USP47: variants seen among roughly 807,000 people sequenced by gnomAD.
The protein encoded by USP47 is ubiquitin specific peptidase 47.
In USP47, 35 loss-of-function variants were observed where a neutral mutation model predicts 165.1. The observed-to-expected ratio is 0.21, with a 90% CI of 0.16 to 0.28. The LOEUF is 0.28. Ranked by LOEUF, USP47 falls within the 10% of genes least tolerant of loss-of-function variation. The probability of loss-of-function intolerance (pLI) is 1.00; values close to 1 mark genes in which losing one functional copy is unlikely to be tolerated. For synonymous variants in USP47, 531 were observed against 544.5 expected, an observed-to-expected ratio of 0.98 and a Z score of 0.35; for missense variants, 1,277 against 1,607.4, an observed-to-expected ratio of 0.79 and a Z score of 3.52.
intron 1 of USP47, among the ~76,000 whole-genome samples, chr11:11,871,393 C>A (rs1032441065): frequency 1.3e-5 from 2 of 150,850 alleles, no homozygotes; most frequent in African/African-American, 2.4e-5. Flanking sequence ...GTCCCAGCTA[C>A]TCGGGAGGCT....
rs779971276 is a variant in USP47 at position 11,940,545 on chromosome 11, C to T, written c.2310C>T (p.Asn770=). The change falls in exon 19 of 28, where the codon AAC becomes AAT. Residue 770 remains asparagine, a synonymous_variant. Coordinates refer to ENST00000527733, the MANE Select transcript of USP47 (RefSeq NM_001282659.2). ...AAGCTGAAGGATTTTTTAGAAGTAA[C>T]AAGGTATGTCATTTACTTTTTCATT... ...TLKAEGFFRS[N]KVFVESSETL... is the part of the protein sequence containing the mutation. 49 of 1,610,120 alleles carry T rather than the reference C, an allele frequency of 3.0e-5. 1 individual carries two copies. The highest frequency in any genetic ancestry group is 1.3e-4 in the South Asian group (12 of 90,706).
chr11:11,942,095 G>A (rs545802520), intron 19 of USP47, among the ~76,000 whole-genome samples: 1 of 152,212 alleles, frequency 6.6e-6, no homozygotes, highest in Non-Finnish European at 1.5e-5. Flanking sequence ...CAAGATGTTT[G>A]TGTGTATGTG....
chr11:11,842,374 G>T, intron 1 of USP47, 150 bp downstream of exon 1: 2 of 899,046 alleles, frequency 2.2e-6, no homozygotes, highest in African/African-American at 1.7e-5. Context: ...GTGGACGGTG[G>T]GTGCGGCGAG....
intron 18 of USP47, 122 bp downstream of exon 18, chr11:11,938,494 T>C (rs1855234981): frequency 1.4e-6 from 1 of 708,916 alleles, no homozygotes; most frequent in African/African-American, 1.8e-5. Context: ...TATTTGTAGT[T>C]AGGAGACAAC....
chr11:11,936,522 T>A lies in USP47; in HGVS notation c.2077+12T>A. On this transcript the variant is annotated intron_variant, in intron 17 of 27. Transcript: ENST00000527733. ...TTATAAACCTGGAGGTGAGCAATTTTACACTATTTTTAGTTGTTCTGTACT... is the reference window on the plus strand; with the variant it reads ...TTATAAACCTGGAGGTGAGCAATTTAACACTATTTTTAGTTGTTCTGTACT... 1 of 1,557,008 alleles carries A rather than the reference T, an allele frequency of 6.4e-7. No individual in the cohort carries two copies. Among genetic ancestry groups the A allele is most frequent in the Non-Finnish European group, 8.7e-7 (1 of 1,146,236 alleles).
intron 8 of USP47, among the ~76,000 whole-genome samples, chr11:11,907,886 A>G (rs1268536958): frequency 6.6e-6 from 1 of 152,140 alleles, no homozygotes; most frequent in African/African-American, 2.4e-5. Context: ...ACTTGAGGAC[A>G]GGAGTTCGAG....
chr11:11,921,775 T>C (rs1365725914), intron 10 of USP47, among the ~76,000 whole-genome samples: 1 of 151,858 alleles, frequency 6.6e-6, no homozygotes, highest in Non-Finnish European at 1.5e-5. Context: ...TCCTAGAGAA[T>C]TCTAGGTTTA....
At chr11:11,908,174 C>A (rs1460330849) in intron 8 of USP47, among the ~76,000 whole-genome samples, 1 of 152,112 alleles carries the variant, frequency 6.6e-6, no homozygotes, top group African/African-American at 2.4e-5. Context: ...GTTATATATT[C>A]TGTTTATTGT....
At chr11:11,891,684 C>T (rs796224661) in intron 3 of USP47, among the ~76,000 whole-genome samples, 11 of 152,226 alleles carry the variant, frequency 7.2e-5, no homozygotes, top group African/African-American at 2.6e-4. Context: ...TTGTGTGTCC[C>T]CTATGTGCTA....
intron 25 of USP47, among the ~76,000 whole-genome samples, chr11:11,953,875 A>G (rs958734951): frequency 2.0e-5 from 3 of 152,220 alleles, no homozygotes; most frequent in Non-Finnish European, 4.4e-5. Flanking sequence ...GTATAAATTG[A>G]TATGATTTTT....
chr11:11,859,323 C>G (rs1372037694), intron 1 of USP47, among the ~76,000 whole-genome samples: 1 of 152,060 alleles, frequency 6.6e-6, no homozygotes, highest in Non-Finnish European at 1.5e-5. Flanking sequence ...TTGGTAGGCT[C>G]TTTGAGAAAG....
chr11:11,948,342 G>T, intron 21 of USP47, 136 bp from the exon 22 acceptor site: 1 of 842,126 alleles, frequency 1.2e-6, no homozygotes, highest in Non-Finnish European at 1.8e-6. Flanking sequence ...AGGTGCTGGG[G>T]ATTCAGAGGT....
chr11:11,939,798 T>G (rs1202192414), intron 18 of USP47, among the ~76,000 whole-genome samples: 1 of 152,008 alleles, frequency 6.6e-6, no homozygotes, highest in Non-Finnish European at 1.5e-5. Flanking sequence ...ACAGTATTTT[T>G]AACCAGCCTG....
intron 8 of USP47, among the ~76,000 whole-genome samples, chr11:11,912,473 G>T (rs1162805323): frequency 6.6e-6 from 1 of 152,026 alleles, no homozygotes; most frequent in East Asian, 1.9e-4. Flanking sequence ...TCTTTGAAAA[G>T]AACTCAATAG....
chr11:11,925,282 G>T (rs1309367841), intron 11 of USP47, among the ~76,000 whole-genome samples: 3 of 151,744 alleles, frequency 2.0e-5, no homozygotes, highest in Non-Finnish European at 4.4e-5. Context: ...TAATTTTTTT[G>T]TATTTTTAGT....
intron 1 of USP47, among the ~76,000 whole-genome samples, chr11:11,851,853 G>A (rs1443106058): frequency 1.3e-5 from 2 of 152,116 alleles, no homozygotes; most frequent in East Asian, 3.8e-4. Flanking sequence ...CTCATGAATA[G>A]ATTGAGGTTA....
chr11:11,927,571 T>C (rs1854345233), intron 11 of USP47, among the ~76,000 whole-genome samples: 1 of 152,092 alleles, frequency 6.6e-6, no homozygotes, highest in Non-Finnish European at 1.5e-5. Context: ...AGTTCTTACT[T>C]TGCTATTAAT....
At chr11:11,948,173 G>C in intron 21 of USP47, 53 bp downstream of exon 21, 1 of 1,544,152 alleles carries the variant, frequency 6.5e-7, no homozygotes, top group Non-Finnish European at 8.7e-7. Flanking sequence ...TGATAGATTT[G>C]AGAACAGCTT....
chr11:11,893,903 T>C (rs891570105), intron 4 of USP47, among the ~76,000 whole-genome samples: 2 of 152,204 alleles, frequency 1.3e-5, no homozygotes, highest in African/African-American at 4.8e-5. Flanking sequence ...TTTAGAATAA[T>C]TTCCTCATAG....
Sources: allele counts gnomAD v4.1 joint callset (sites outside exome capture counted in the v4.1 genomes callset), GRCh38; gene constraint gnomAD v4.1.1; transcripts MANE v1.5; gene names NCBI Gene and HGNC (gene_info 2026-07-23, HGNC 2026-07-21).